POMT2: variants seen among roughly 807,000 people sequenced by gnomAD.
POMT2 encodes the protein protein O-mannosyl-transferase 2.
In POMT2, 75 loss-of-function variants were observed where a neutral mutation model predicts 100.0. The observed-to-expected ratio is 0.75, with a 90% CI of 0.62 to 0.91. The LOEUF (loss-of-function observed/expected upper bound fraction) is 0.91. Ranked by LOEUF, POMT2 falls within the 40% of genes least tolerant of loss-of-function variation. POMT2 has a pLI of 0.00. For missense variants in POMT2, 940 were observed against 955.1 expected (o/e 0.98, Z 0.21); for synonymous variants, 378 against 374.1 (o/e 1.01, Z -0.12).
At chr14:77,312,184 G>A (rs1891460671) in intron 1 of POMT2, 151 bp from the exon 2 acceptor site, 1 of 1,324,424 alleles carries the variant, frequency 7.6e-7, no homozygotes, top group Non-Finnish European at 1.0e-6. Flanking sequence ...TGACACAAGT[G>A]ATTTTAGGAA....
intron 8 of POMT2, among the ~76,000 whole-genome samples, chr14:77,298,243 T>C (rs2139468242): frequency 6.6e-6 from 1 of 152,310 alleles, no homozygotes; most frequent in Non-Finnish European, 1.5e-5. Context: ...CTGTGCTCCC[T>C]CTTTACGTAC....
rs1407950406 is a variant in POMT2, at chr14:77,279,860, G to C, written c.1854C>G (p.Ala618=). ...YLLSGSIIAV[A]MQRGARLPAE... ...CTGGCAGCCGTGCCCCTCTCTGCAT[G>C]GCTACAGCAATGATGCTCCCTGAGA... Residue 618 remains alanine (A), a synonymous_variant, in exon 18 of 21, where the codon GCC becomes GCG. Coordinates refer to ENST00000261534, the MANE Select transcript of POMT2 (RefSeq NM_013382.7). The C allele has an allele frequency of 6.2e-7, 1 of 1,613,962 alleles. No homozygotes were observed. The highest frequency in any genetic ancestry group is 1.1e-5 in the South Asian group (1 of 91,072).
intron 11 of POMT2, among the ~76,000 whole-genome samples, chr14:77,288,209 T>C (rs1429836646): frequency 6.6e-6 from 1 of 152,268 alleles, no homozygotes; most frequent in Non-Finnish European, 1.5e-5. Flanking sequence ...ACTTAGGCTT[T>C]GGCCTGGTAA....
At chr14:77,290,526 G>A (rs1046476463) in intron 10 of POMT2, among the ~76,000 whole-genome samples, 1 of 152,220 alleles carries the variant, frequency 6.6e-6, no homozygotes, top group Non-Finnish European at 1.5e-5. Context: ...GCTAAGCCAG[G>A]TGGGATTTGC....
intron 10 of POMT2, among the ~76,000 whole-genome samples, chr14:77,289,141 A>T (rs966217470): frequency 1.3e-5 from 2 of 151,956 alleles, no homozygotes; most frequent in Non-Finnish European, 2.9e-5. Flanking sequence ...CTGTAATCCT[A>T]GCCCTTTGGG....
chr14:77,280,474 G>A lies in POMT2; in HGVS notation c.1654-11C>T, dbSNP rs758138633. 2 of 1,614,084 alleles carry A rather than the reference G, an allele frequency of 1.2e-6. No individual in the cohort carries two copies. Among genetic ancestry groups the A allele is most frequent in the East Asian group, 4.5e-5 (2 of 44,890 alleles). On this transcript the variant is annotated splice_polypyrimidine_tract_variant and intron_variant, in intron 15 of 20. Transcript: ENST00000261534. ...GAGGCCACTGTTCCCCTGCATGAAG[G>A]TAGCAAAGAAAGCTAGTCAAGACAG... is the stretch of plus-strand genomic sequence containing the variant.
intron 13 of POMT2, 30 bp downstream of exon 13, chr14:77,285,451 G>A (rs781448107): frequency 4.3e-6 from 7 of 1,613,644 alleles, no homozygotes; most frequent in South Asian, 2.2e-5. Context: ...CAGGACCCTC[G>A]ATTGGGACAG....
At chr14:77,296,013 C>T in intron 9 of POMT2, 151 bp downstream of exon 9, 1 of 708,444 alleles carries the variant, frequency 1.4e-6, no homozygotes, top group Non-Finnish European at 2.5e-6. Context: ...CCTAGAGAAG[C>T]TGGGGTTAGC....
rs149858701 is a variant in POMT2, at chr14:77,311,077, G to T, written c.333+872C>A. 2.5e-3 allele frequency among the ~76,000 whole-genome samples: 377 copies of T among 152,368 alleles called. 2 individuals are homozygous for T. Among genetic ancestry groups the T allele is most frequent in the African/African-American group, 8.4e-3 (349 of 41,596 alleles). On this transcript the variant is annotated intron_variant, in intron 2 of 20. Coordinates refer to ENST00000261534, the MANE Select transcript of POMT2 (RefSeq NM_013382.7). ...AAACTTGGGAAGCAGAAGTTGCAGT[G>T]AGCCAAGATTGTACCATTGCAGTCC...
At chr14:77,312,158 TA>T (rs199505225) in intron 1 of POMT2, 125 bp from the exon 2 acceptor site, 9,508 of 1,276,326 alleles carry the variant, frequency 7.4e-3, no homozygotes, top group East Asian at 0.011. Context: ...AGTCTGGATT[TA>T]AAAAAAAAAT....
In POMT2 at chr14:77,285,669, GA is replaced by G. The variant is rs774841994; in HGVS notation, c.1333-38del. The G allele has an allele frequency of 1.3e-5, 20 of 1,593,674 alleles. No homozygotes were observed. The South Asian group carries it at 2.2e-4, about 18-fold the overall frequency. ...GCCAAGAAAAAAATACAAAGAAAGT[GA>G]GGGGACTTTAGAGAAAACGTGTCAG... On this transcript the variant is annotated intron_variant, in intron 12 of 20. Transcript: ENST00000261534.
At chr14:77,310,368 A>G (rs1314329869) in intron 2 of POMT2, among the ~76,000 whole-genome samples, 1 of 152,142 alleles carries the variant, frequency 6.6e-6, no homozygotes, top group African/African-American at 2.4e-5. Flanking sequence ...AACAATACCT[A>G]CTTTATAAGG....
At chr14:77,317,921 G>A (rs1229774351) in intron 1 of POMT2, among the ~76,000 whole-genome samples, 7 of 152,224 alleles carry the variant, frequency 4.6e-5, no homozygotes, top group African/African-American at 1.7e-4. Flanking sequence ...ATTTGGTTGG[G>A]TATAGTGCTT....
intron 1 of POMT2, among the ~76,000 whole-genome samples, chr14:77,319,153 T>C (rs1022648689): frequency 4.6e-5 from 7 of 152,334 alleles, no homozygotes; most frequent in Admixed American, 4.6e-4. Flanking sequence ...CAGTGGTTAA[T>C]AGACTGGTCT....
In POMT2 at chr14:77,275,938, C is replaced by G. The variant is rs181899257; in HGVS notation, c.*1438G>C. 6.6e-6 allele frequency: 1 copy of G among 152,608 alleles called. No individual in the cohort carries two copies. The highest frequency in any genetic ancestry group is 1.5e-5 in the Non-Finnish European group (1 of 68,076). 9.5% of individuals were successfully genotyped at this position (152,608 alleles called of 1,614,324 possible). On this transcript the variant is annotated 3_prime_UTR_variant, in exon 21 of 21. Transcript: ENST00000261534. ...TAGGTAGCACAGCCTGTCCCTGGGACCAATATCCAGTCTCCGTGGCAACCG... is the reference window on the plus strand; with the variant it reads ...TAGGTAGCACAGCCTGTCCCTGGGAGCAATATCCAGTCTCCGTGGCAACCG...
At chr14:77,281,868 C>T (rs1370108788) in intron 15 of POMT2, among the ~76,000 whole-genome samples, 2 of 152,218 alleles carry the variant, frequency 1.3e-5, no homozygotes, top group Admixed American at 1.3e-4. Flanking sequence ...TTAAGAACCA[C>T]TGGTATAGCC....
chr14:77,300,920 G>A, intron 6 of POMT2, 170 bp downstream of exon 6: 1 of 1,171,944 alleles, frequency 8.5e-7, no homozygotes, highest in Non-Finnish European at 1.2e-6. Context: ...TCCTCAGCCG[G>A]GCCCACTCCC....
At chr14:77,284,850 T>C (rs1376154204) in intron 14 of POMT2, 100 bp downstream of exon 14, 1 of 1,040,420 alleles carries the variant, frequency 9.6e-7, no homozygotes, top group Non-Finnish European at 1.5e-6. Context: ...CAGCAGCAAG[T>C]TGAAGGGATA....
chr14:77,315,247 T>C (rs971722484), intron 1 of POMT2, among the ~76,000 whole-genome samples: 1 of 152,126 alleles, frequency 6.6e-6, no homozygotes, highest in Non-Finnish European at 1.5e-5. Context: ...AAAGGGCCCC[T>C]AACCCTGAGG....
Sources: gnomAD v4.1 joint callset for allele counts (sites outside exome capture counted in the v4.1 genomes callset) on GRCh38, gnomAD v4.1.1 for gene constraint, MANE v1.5 for transcripts, NCBI Gene and HGNC (gene_info 2026-07-23, HGNC 2026-07-21) for gene names.